Variants in ATP10B observed in about 807,000 individuals in gnomAD.
ATP10B encodes the protein phospholipid-transporting ATPase VB.
A neutral mutation model predicts 141.2 loss-of-function variants in ATP10B; 122 were observed. That is an observed-to-expected ratio of 0.86 (90% CI 0.75 to 1.00). The LOEUF (loss-of-function observed/expected upper bound fraction) is 1.00. ATP10B is among the 50% of genes least tolerant of loss of function. The probability of loss-of-function intolerance (pLI) is 0.00; values close to 1 mark genes in which losing one functional copy is unlikely to be tolerated. For missense variants in ATP10B, 1,876 were observed against 1,825.3 expected, an observed-to-expected ratio of 1.03 and a Z score of -0.51; for synonymous variants, 685 against 692.0, an observed-to-expected ratio of 0.99 and a Z score of 0.16.
At chr5:160,663,748 C>A (rs993008543) in intron 7 of ATP10B, among the ~76,000 whole-genome samples, 8 of 151,572 alleles carry the variant, frequency 5.3e-5, no homozygotes, top group Non-Finnish European at 1.2e-4. Flanking sequence ...ATGTAACAAA[C>A]CTGCACGTTG....
At chr5:160,851,459 A>C (rs1408640025) in intron 1 of ATP10B, among the ~76,000 whole-genome samples, 1 of 152,156 alleles carries the variant, frequency 6.6e-6, no homozygotes, top group Admixed American at 6.5e-5. Flanking sequence ...AACTCAAAGG[A>C]AAGTCAAGCT....
chr5:160,657,843 A>T (rs1038869699), intron 7 of ATP10B, among the ~76,000 whole-genome samples: 1 of 152,194 alleles, frequency 6.6e-6, no homozygotes, highest in African/African-American at 2.4e-5. Flanking sequence ...CGGCAGATAG[A>T]AGGCTTTTAA....
At chr5:160,871,369 T>G in the ATP10B span, among the ~76,000 whole-genome samples, 1 of 152,058 alleles carries the variant, frequency 6.6e-6, no homozygotes, top group African/African-American at 2.4e-5. Flanking sequence ...AGGTATAGTG[T>G]TATTTTTATT....
At chr5:160,913,065 A>G in the ATP10B span, among the ~76,000 whole-genome samples, 1 of 152,234 alleles carries the variant, frequency 6.6e-6, no homozygotes, top group Admixed American at 6.5e-5. Flanking sequence ...TTCCAATGTG[A>G]TTAAAATACT....
rs1561678912 is a variant in ATP10B at position 160,637,029 on chromosome 5, C to CATGA, written c.1001-721_1001-720insTCAT. Among the ~76,000 whole-genome samples, 4 of 127,000 alleles carry CATGA rather than the reference C, an allele frequency of 3.1e-5. No individual in the cohort carries two copies. The East Asian group carries it at 1.1e-3, about 34-fold the overall frequency. 83.3% of individuals were successfully genotyped at this position (127,000 alleles called of 152,430 possible). Reference sequence around the variant, plus strand: ...CAATCCATCCATCTATCCATCCATCCATCCATCCATGAATCCATCCATCCA... The same window carrying CATGA: ...CAATCCATCCATCTATCCATCCATCCATGAATCCATCCATGAATCCATCCATCCA... On this transcript the variant is annotated intron_variant, in intron 10 of 25. Coordinates refer to ENST00000327245, the MANE Select transcript of ATP10B (RefSeq NM_025153.3).
the ATP10B span, among the ~76,000 whole-genome samples, chr5:160,861,479 T>C: frequency 3.3e-5 from 5 of 151,938 alleles, no homozygotes; most frequent in African/African-American, 7.2e-5. Flanking sequence ...TTTAAATAGA[T>C]ACTTTATAGC....
chr5:160,878,258 A>G, the ATP10B span, among the ~76,000 whole-genome samples: 1 of 151,524 alleles, frequency 6.6e-6, no homozygotes, highest in Non-Finnish European at 1.5e-5. Context: ...TCTTTGACAA[A>G]CCTGAGAAAA....
At chr5:160,678,274 C>G (rs1165325380) in intron 6 of ATP10B, among the ~76,000 whole-genome samples, 1 of 152,170 alleles carries the variant, frequency 6.6e-6, no homozygotes, top group African/African-American at 2.4e-5. Flanking sequence ...GCAATTCCAC[C>G]CTTGTATGTG....
chr5:160,818,567 C>A (rs1177530741), intron 1 of ATP10B, among the ~76,000 whole-genome samples: 6 of 152,220 alleles, frequency 3.9e-5, no homozygotes, highest in South Asian at 2.1e-4. Context: ...TAAACTAGTT[C>A]AACCATTGTG....
intron 22 of ATP10B, among the ~76,000 whole-genome samples, chr5:160,592,998 A>G (rs1756427425): frequency 6.6e-6 from 1 of 152,252 alleles, no homozygotes; most frequent in South Asian, 2.1e-4. Flanking sequence ...CCACAGATGA[A>G]CAAAAAGACA....
At chr5:160,582,479 C>G (rs1755616981) in intron 24 of ATP10B, among the ~76,000 whole-genome samples, 1 of 152,182 alleles carries the variant, frequency 6.6e-6, no homozygotes, top group Non-Finnish European at 1.5e-5. Context: ...CTCACTCTCT[C>G]CTGGCTTGTA....
At chr5:160,578,956 T>G (rs1323609591) in intron 24 of ATP10B, among the ~76,000 whole-genome samples, 9 of 152,248 alleles carry the variant, frequency 5.9e-5, no homozygotes, top group Admixed American at 5.9e-4. Context: ...TTTTTTCATA[T>G]GTTTGTTGGC....
At chr5:160,583,555 C>T (rs1187221867) in intron 24 of ATP10B, among the ~76,000 whole-genome samples, 2 of 152,226 alleles carry the variant, frequency 1.3e-5, no homozygotes, top group Non-Finnish European at 2.9e-5. Flanking sequence ...CAGTCTGTCC[C>T]TTAGCAGAGC....
chr5:160,590,146 C>A (rs1400869183), intron 23 of ATP10B, among the ~76,000 whole-genome samples: 1 of 152,136 alleles, frequency 6.6e-6, no homozygotes, highest in African/African-American at 2.4e-5. Flanking sequence ...AGGAGTTAAT[C>A]ACTTGGAAAG....
the ATP10B span, among the ~76,000 whole-genome samples, chr5:160,871,459 C>A: frequency 6.6e-6 from 1 of 152,070 alleles, no homozygotes; most frequent in Non-Finnish European, 1.5e-5. Flanking sequence ...TTGGTGCACC[C>A]ATCACCTGCG....
chr5:160,634,725 C>G (rs1759227686), intron 11 of ATP10B, 119 bp from the exon 12 acceptor site: 11 of 1,104,202 alleles, frequency 1.0e-5, no homozygotes, highest in African/African-American at 1.6e-5. Context: ...AGGACAGACT[C>G]TCTGTGAAAT....
chr5:160,579,087 T>C (rs1464812228), intron 24 of ATP10B, among the ~76,000 whole-genome samples: 1 of 152,250 alleles, frequency 6.6e-6, no homozygotes, highest in Non-Finnish European at 1.5e-5. Flanking sequence ...CTTTGTCAGA[T>C]GGATAGATTG....
At chr5:160,926,030 A>G in the ATP10B span, among the ~76,000 whole-genome samples, 1 of 152,252 alleles carries the variant, frequency 6.6e-6, no homozygotes, top group Non-Finnish European at 1.5e-5. Context: ...GGATGAGAGC[A>G]CGTGCTCTGA....
intron 1 of ATP10B, among the ~76,000 whole-genome samples, chr5:160,829,245 T>C (rs1774882335): frequency 1.3e-5 from 2 of 152,060 alleles, no homozygotes; most frequent in Admixed American, 6.6e-5. Context: ...TTGTCAGCCT[T>C]ATCAAAAATT....
Sources: allele counts gnomAD v4.1 joint callset (sites outside exome capture counted in the v4.1 genomes callset), GRCh38; gene constraint gnomAD v4.1.1; transcripts MANE v1.5; gene names NCBI Gene and HGNC (gene_info 2026-07-23, HGNC 2026-07-21).